The following RBFOX1 variants were observed in gnomAD, a reference collection of about 807,000 sequenced individuals.
RBFOX1 encodes the protein RNA binding fox-1 homolog 1.
RBFOX1 carries 8 observed loss-of-function variants against 57.7 expected under a neutral mutation model. That is an observed-to-expected ratio of 0.14 (90% CI 0.08 to 0.25). The LOEUF (loss-of-function observed/expected upper bound fraction) is 0.25, where lower values mean the gene tolerates loss of function less well. Among genes scored for constraint, RBFOX1 ranks in the 10% least tolerant of loss-of-function variants. RBFOX1 has a pLI of 1.00. For missense variants in RBFOX1, 611 were observed against 548.5 expected (o/e 1.11, Z -1.14); for synonymous variants, 326 against 222.4 (o/e 1.47, Z -4.15).
chr16:5,832,710 G>T (rs1237564486), intron 3 of RBFOX1, among the ~76,000 whole-genome samples: 1 of 152,130 alleles, frequency 6.6e-6, no homozygotes, highest in Non-Finnish European at 1.5e-5. Context: ...TTTTCATTGG[G>T]GGCATCATGG....
intron 4 of RBFOX1, among the ~76,000 whole-genome samples, chr16:7,466,361 G>T: frequency 6.6e-6 from 1 of 152,216 alleles, no homozygotes; most frequent in East Asian, 1.9e-4. Flanking sequence ...CCAAGCTAGC[G>T]CTTCTAACTG....
Position 6,730,764 on chromosome 16 carries a change from A to T in RBFOX1, c.-16+76114A>T, listed in dbSNP as rs527387186. On this transcript the variant is annotated intron_variant, in intron 3 of 15. Coordinates refer to ENST00000550418, the MANE Select transcript of RBFOX1 (RefSeq NM_018723.4). Reference sequence around the variant, plus strand: ...AAACCGATTATTTAGTGGGTTAGGAATTCTAGAGTTGGAAGATGGCTTAGA... The same window carrying T: ...AAACCGATTATTTAGTGGGTTAGGATTTCTAGAGTTGGAAGATGGCTTAGA... 5.3e-5 allele frequency among the ~76,000 whole-genome samples: 8 copies of T among 152,342 alleles called. No homozygotes were observed. The South Asian group carries it at 1.4e-3, about 28-fold the overall frequency.
chr16:6,736,729 C>A (rs1216436063), intron 3 of RBFOX1, among the ~76,000 whole-genome samples: 1 of 152,174 alleles, frequency 6.6e-6, no homozygotes, highest in Non-Finnish European at 1.5e-5. Context: ...CTTAATGAAT[C>A]TCCACACTGG....
At chr16:7,111,178 T>G (rs2064687248) in intron 4 of RBFOX1, among the ~76,000 whole-genome samples, 1 of 152,208 alleles carries the variant, frequency 6.6e-6, no homozygotes, top group East Asian at 1.9e-4. Context: ...AAGAATATTC[T>G]GCAATGCTCA....
chr16:6,636,726 CATAAA>C (rs1418242914), intron 2 of RBFOX1, among the ~76,000 whole-genome samples: 2 of 141,632 alleles, frequency 1.4e-5, no homozygotes, highest in Non-Finnish European at 3.0e-5. Flanking sequence ...ATCTGGAAGT[CATAAA>C]ATAAGCCAAT....
At chr16:6,176,453 C>T (rs1011426223) in intron 1 of RBFOX1, among the ~76,000 whole-genome samples, 5 of 151,846 alleles carry the variant, frequency 3.3e-5, no homozygotes, top group Non-Finnish European at 5.9e-5. Flanking sequence ...GCTACTGTGC[C>T]CAGCCTCAGG....
At chr16:6,874,465 C>A (rs192661825) in intron 3 of RBFOX1, among the ~76,000 whole-genome samples, 5 of 125,494 alleles carry the variant, frequency 4.0e-5, no homozygotes, top group African/African-American at 1.5e-4. Flanking sequence ...AGTGGAAGAT[C>A]ATGCCACTGC....
At chr16:7,198,444 T>C (rs1204900302) in intron 4 of RBFOX1, among the ~76,000 whole-genome samples, 1 of 152,232 alleles carries the variant, frequency 6.6e-6, no homozygotes, top group Non-Finnish European at 1.5e-5. Context: ...TTATATGAAT[T>C]CCACCTCCAT....
chr16:5,303,642 C>T lies in RBFOX1; in HGVS notation c.219+63537C>T, dbSNP rs938761. Among the ~76,000 whole-genome samples the T allele has an allele frequency of 4.9e-3, 742 of 152,134 alleles. 8 individuals are homozygous for T. The highest frequency in any genetic ancestry group is 0.017 in the African/African-American group (697 of 41,500). ...GGGTCCCTTCCTCTCTCCCCCACCA[C>T]AGTGCATGTTATAGGAAAAAGGAAC... is the stretch of plus-strand genomic sequence containing the variant. On this transcript the variant is annotated intron_variant, in intron 1 of 2. Coordinates refer to the RBFOX1 transcript ENST00000585867.
At chr16:5,777,783 G>A (rs1354810237) in intron 3 of RBFOX1, among the ~76,000 whole-genome samples, 1 of 152,164 alleles carries the variant, frequency 6.6e-6, no homozygotes, top group East Asian at 1.9e-4. Context: ...TTATTATTTG[G>A]CACAGGAGTA....
chr16:6,567,507 C>A (rs1600105820), intron 2 of RBFOX1, among the ~76,000 whole-genome samples: 1 of 152,168 alleles, frequency 6.6e-6, no homozygotes, highest in African/African-American at 2.4e-5. Context: ...GAGACAGTCA[C>A]CCTGGTTCTC....
intron 10 of RBFOX1, among the ~76,000 whole-genome samples, chr16:7,617,795 G>T (rs2191130): frequency 0.64 from 97,383 of 151,406 alleles, 32,029 homozygotes; most frequent in East Asian, 0.85. Context: ...TGTCAATGCG[G>T]GTATAGTACA....
intron 1 of RBFOX1, among the ~76,000 whole-genome samples, chr16:6,105,332 G>C (rs189552825): frequency 2.0e-4 from 31 of 152,156 alleles, no homozygotes; most frequent in African/African-American, 7.2e-4. Flanking sequence ...GAAGGTACTT[G>C]GCATCCTTTG....
chr16:7,304,485 G>A (rs1226725451), intron 4 of RBFOX1: 1 of 985,190 alleles, frequency 1.0e-6, no homozygotes, highest in Non-Finnish European at 1.2e-6. Flanking sequence ...ACTTACAGCA[G>A]GTAAGGCGCG....
chr16:6,441,500 T>G (rs1015490806), intron 2 of RBFOX1, among the ~76,000 whole-genome samples: 1 of 152,096 alleles, frequency 6.6e-6, no homozygotes, highest in African/African-American at 2.4e-5. Flanking sequence ...CACTGCAACC[T>G]CTGCCTCCAG....
chr16:7,048,968 T>C (rs891689256), intron 3 of RBFOX1, among the ~76,000 whole-genome samples: 2 of 152,200 alleles, frequency 1.3e-5, no homozygotes, highest in African/African-American at 4.8e-5. Context: ...GTCTCCCATA[T>C]ATATATCAAG....
chr16:7,535,602 C>T lies in RBFOX1; in HGVS notation c.270+17213C>T, dbSNP rs568295581. Among the ~76,000 whole-genome samples the T allele has an allele frequency of 2.0e-5, 3 of 152,324 alleles. No homozygotes were observed. In the South Asian group the frequency reaches 6.2e-4, roughly 32 times the overall value. On this transcript the variant is annotated intron_variant, in intron 5 of 15. Transcript: ENST00000550418. Reference sequence around the variant, plus strand: ...TATCAGATCTTTGTTCCTTTGTAAACTCTTTCCTGACACCACCTCAAAACT... The same window carrying T: ...TATCAGATCTTTGTTCCTTTGTAAATTCTTTCCTGACACCACCTCAAAACT...
intron 10 of RBFOX1, among the ~76,000 whole-genome samples, chr16:7,624,574 C>T (rs1310204189): frequency 6.6e-6 from 1 of 152,120 alleles, no homozygotes; most frequent in African/African-American, 2.4e-5. Context: ...CGAGTAGATG[C>T]CAATAAGTAC....
intron 1 of RBFOX1, among the ~76,000 whole-genome samples, chr16:5,360,085 G>A (rs140022998): frequency 1.1e-4 from 16 of 152,316 alleles, no homozygotes; most frequent in Non-Finnish European, 1.8e-4. Context: ...ACTGTCTTGC[G>A]GAATAAATCA....
Sources: allele counts gnomAD v4.1 joint callset (sites outside exome capture counted in the v4.1 genomes callset), GRCh38; gene constraint gnomAD v4.1.1; transcripts MANE v1.5; gene names NCBI Gene and HGNC (gene_info 2026-07-23, HGNC 2026-07-21).